The following MCPH1 variants were observed in gnomAD, a reference collection of about 807,000 sequenced individuals.
MCPH1 encodes microcephalin.
A neutral mutation model predicts 84.5 loss-of-function variants in MCPH1; 104 were observed. The ratio of observed to expected loss-of-function variants is 1.23; its 90% CI spans 1.05 to 1.45. The LOEUF (loss-of-function observed/expected upper bound fraction) is 1.45. MCPH1 is among the 40% of genes most tolerant of loss of function. The pLI, the probability that MCPH1 is intolerant of heterozygous loss-of-function variation, is 0.00. For synonymous variants in MCPH1, 514 were observed against 366.8 expected (o/e 1.40, Z -4.58); for missense variants, 1,498 against 1,005.7 (o/e 1.49, Z -6.62).
chr8:6,613,319 G>A (rs1364164565), intron 12 of MCPH1, among the ~76,000 whole-genome samples: 2 of 152,244 alleles, frequency 1.3e-5, no homozygotes, highest in African/African-American at 2.4e-5. Context: ...CACGGCCAAC[G>A]GTCAGGGGAC....
chr8:6,528,411 G>A (rs1237853511), intron 12 of MCPH1, among the ~76,000 whole-genome samples: 3 of 152,212 alleles, frequency 2.0e-5, no homozygotes, highest in African/African-American at 7.2e-5. Context: ...CAGAGAGATT[G>A]GAAGTCACAT....
chr8:6,621,518 C>G lies in MCPH1; in HGVS notation c.2279C>G (p.Pro760Arg), dbSNP rs1313572403. ...CGCGGAACCCTCTTTGCCGACCAGC[C>G]AGCGATGTTTGTCTCGCCTGCCAGC... ...PYRGTLFADQ[P>R]AMFVSPASSP... Residue 760 changes from proline to arginine, a missense_variant, in exon 13 of 14, where the codon CCA (proline) becomes CGA (arginine). Physicochemically the swap from Pro to Arg is moderately radical, Grantham distance 103. Coordinates refer to ENST00000344683, the MANE Select transcript of MCPH1 (RefSeq NM_024596.5). 1 of 1,614,050 alleles carries G rather than the reference C, an allele frequency of 6.2e-7. No homozygotes were observed. Among genetic ancestry groups the G allele is most frequent in the African/African-American group, 1.3e-5 (1 of 74,928 alleles).
intron 12 of MCPH1, among the ~76,000 whole-genome samples, chr8:6,571,632 A>T (rs1826665258): frequency 6.6e-6 from 1 of 152,140 alleles, no homozygotes; most frequent in Admixed American, 6.5e-5. Flanking sequence ...TAAAAATGTC[A>T]TATGTGCTAT....
At chr8:6,442,466 T>C (rs946673972) in intron 7 of MCPH1, among the ~76,000 whole-genome samples, 12 of 152,268 alleles carry the variant, frequency 7.9e-5, no homozygotes, top group African/African-American at 2.9e-4. Flanking sequence ...AGAACTGAGG[T>C]CAGAGCTAAG....
At chr8:6,542,688 G>C (rs1210392426) in intron 12 of MCPH1, among the ~76,000 whole-genome samples, 10 of 151,398 alleles carry the variant, frequency 6.6e-5, no homozygotes, top group African/African-American at 1.9e-4. Context: ...GGCCTTTTAC[G>C]TCTCCTCTCT....
chr8:6,529,427 G>A (rs926990874), intron 12 of MCPH1, among the ~76,000 whole-genome samples: 1 of 151,560 alleles, frequency 6.6e-6, no homozygotes, highest in South Asian at 2.1e-4. Flanking sequence ...GTTTCTTTGC[G>A]GCCTTCCTTA....
At chr8:6,449,503 C>A (rs969044057) in intron 8 of MCPH1, among the ~76,000 whole-genome samples, 1 of 152,096 alleles carries the variant, frequency 6.6e-6, no homozygotes, top group African/African-American at 2.4e-5. Context: ...CGTGGTGGCA[C>A]ATGCCTATAA....
chr8:6,607,694 T>C (rs113893846), intron 12 of MCPH1, among the ~76,000 whole-genome samples: 207 of 152,312 alleles, frequency 1.4e-3, no homozygotes, highest in African/African-American at 4.7e-3. Flanking sequence ...ATAAGTCTCA[T>C]GAGATCTGAT....
In MCPH1 at chr8:6,626,990, A is replaced by C. The variant is rs577214611; in HGVS notation, c.2452+5299A>C. On this transcript the variant is annotated intron_variant, in intron 13 of 13. Transcript: ENST00000344683. The stretch of plus-strand genomic sequence containing the variant: ...ATATTCTCAACAGCATTGCCAAAAA[A>C]AAAAAAAAGTTTAGCCTCCGCCTGA... 1.2e-4 allele frequency: 113 copies of C among 979,094 alleles called. 1 individual carries two copies. The African/African-American group carries it at 1.8e-3, about 16-fold the overall frequency. The allele number at this position is 979,094 out of a possible 1,614,324, so 60.7% of individuals were successfully genotyped here.
intron 9 of MCPH1, among the ~76,000 whole-genome samples, chr8:6,466,376 C>T (rs1331605440): frequency 4.7e-5 from 7 of 147,738 alleles, no homozygotes; most frequent in African/African-American, 1.3e-4. Context: ...GGTGCCATCT[C>T]GGCTCACTGC....
rs143247841 is a variant in MCPH1, at chr8:6,628,590, G to C, written c.2452+6899G>C. Among the ~76,000 whole-genome samples the C allele has an allele frequency of 7.9e-3, 1,193 of 151,914 alleles. 18 individuals are homozygous for C. The highest frequency in any genetic ancestry group is 0.028 in the African/African-American group (1,153 of 41,432). On this transcript the variant is annotated intron_variant, in intron 13 of 13. Coordinates refer to ENST00000344683, the MANE Select transcript of MCPH1 (RefSeq NM_024596.5). ...TTGTAGACAAGGCAACATTTTATGT[G>C]TATTAGAAATGTGGTGGTTGGTTTG...
At chr8:6,440,026 A>G (rs1803273392) in intron 6 of MCPH1, among the ~76,000 whole-genome samples, 1 of 152,216 alleles carries the variant, frequency 6.6e-6, no homozygotes, top group African/African-American at 2.4e-5. Flanking sequence ...TAAATTAGAT[A>G]ATGACATATG....
At chr8:6,641,277 G>C (rs189933566) in intron 13 of MCPH1, among the ~76,000 whole-genome samples, 189 of 152,256 alleles carry the variant, frequency 1.2e-3, no homozygotes, top group African/African-American at 4.3e-3. Context: ...TGAATCCATA[G>C]AGTTTTTACA....
At chr8:6,459,696 C>G (rs145428169) in intron 9 of MCPH1, among the ~76,000 whole-genome samples, 84 of 152,338 alleles carry the variant, frequency 5.5e-4, no homozygotes, top group African/African-American at 1.9e-3. Context: ...ATTTGAAACT[C>G]AGATGTGTCC....
At chr8:6,617,511 G>A (rs1265149449) in intron 12 of MCPH1, among the ~76,000 whole-genome samples, 3 of 151,892 alleles carry the variant, frequency 2.0e-5, no homozygotes, top group African/African-American at 7.3e-5. Flanking sequence ...TTTCACTGAG[G>A]TAACAACAAA....
rs530508061 is a variant in MCPH1 at position 6,581,857 on chromosome 8, T to C, written c.2215-39597T>C. Among the ~76,000 whole-genome samples the C allele has an allele frequency of 4.6e-5, 7 of 152,294 alleles. No individual in the cohort carries two copies. The South Asian group carries it at 1.2e-3, about 27-fold the overall frequency. On this transcript the variant is annotated intron_variant, in intron 12 of 13. Coordinates refer to ENST00000344683, the MANE Select transcript of MCPH1 (RefSeq NM_024596.5). ...TGGTGAGGGCCTGTTTCCTGGTTCATAGATGGCGCCTTCTCTGCGTCCTCA... is the reference window on the plus strand; with the variant it reads ...TGGTGAGGGCCTGTTTCCTGGTTCACAGATGGCGCCTTCTCTGCGTCCTCA...
At chr8:6,584,600 G>T in intron 12 of MCPH1, among the ~76,000 whole-genome samples, 1 of 152,096 alleles carries the variant, frequency 6.6e-6, no homozygotes, top group South Asian at 2.1e-4. Flanking sequence ...GAGGAAAAAA[G>T]TTAAAAAGGC....
At position 6,644,164 on chromosome 8, in the gene MCPH1, C is replaced by G. The variant is rs939891252; in HGVS notation, c.*1115C>G. On this transcript the variant is annotated 3_prime_UTR_variant, in exon 14 of 14. Coordinates refer to ENST00000344683, the MANE Select transcript of MCPH1 (RefSeq NM_024596.5). ...CCTCAGGAGTCTGAGGCAGAAGAAT[C>G]GCTTGAACCCAAGAGGCAGAGGTTG... 1 of 152,228 alleles carries G rather than the reference C, an allele frequency of 6.6e-6. No homozygotes were observed. Among genetic ancestry groups the G allele is most frequent in the Non-Finnish European group, 1.5e-5 (1 of 68,096 alleles). The allele number at this position is 152,228 out of a possible 1,614,324, so 9.4% of individuals were successfully genotyped here. A position where few individuals can be genotyped will look rare whatever the true frequency, so the allele number is the denominator to read the frequency against.
rs1798309897 is a variant in MCPH1 at position 6,648,275 on chromosome 8, T to C, written c.*5226T>C. On this transcript the variant is annotated 3_prime_UTR_variant, in exon 14 of 14. Coordinates refer to ENST00000344683, the MANE Select transcript of MCPH1 (RefSeq NM_024596.5). ...AGACCTCCACAGTGGCCAGAAGGTT[T>C]TCCATACCTGAGCCTGCTTCTACCC... 1 of 152,256 alleles carries C rather than the reference T, an allele frequency of 6.6e-6. No individual in the cohort carries two copies. The highest frequency in any genetic ancestry group is 2.1e-4 in the South Asian group (1 of 4,826). 9.4% of individuals were successfully genotyped at this position (152,256 alleles called of 1,614,324 possible). A position where few individuals can be genotyped will look rare whatever the true frequency, so the allele number is the denominator to read the frequency against.
Sources: allele counts gnomAD v4.1 joint callset (sites outside exome capture counted in the v4.1 genomes callset), GRCh38; gene constraint gnomAD v4.1.1; transcripts MANE v1.5; gene names NCBI Gene and HGNC (gene_info 2026-07-23, HGNC 2026-07-21).